TMPRSS11A: variants seen among roughly 807,000 people sequenced by gnomAD.
TMPRSS11A encodes transmembrane serine protease 11A.
In TMPRSS11A, 53 loss-of-function variants were observed where a neutral mutation model predicts 58.9. That is an observed-to-expected ratio of 0.90 (90% CI 0.72 to 1.13). The LOEUF is 1.13. Among genes scored for constraint, TMPRSS11A ranks in the 50% most tolerant of loss-of-function variants. The pLI is 0.00. For synonymous variants in TMPRSS11A, 167 were observed against 169.8 expected (o/e 0.98, Z 0.13); for missense variants, 493 against 499.3 (o/e 0.99, Z 0.12).
At chr4:67,911,548 A>C in intron 9 of TMPRSS11A, 45 bp from the exon 10 acceptor site, 2 of 1,490,780 alleles carry the variant, frequency 1.3e-6, no homozygotes, top group Non-Finnish European at 1.8e-6. Flanking sequence ...TTAGCTAAAC[A>C]TAAAGCTCAT....
rs150564742 is a variant in TMPRSS11A at position 67,919,115 on chromosome 4, C to T, written c.810G>A (p.Glu270=). Residue 270 remains glutamate (E), a synonymous_variant, in exon 8 of 10, where the codon GAG becomes GAA. Transcript: ENST00000508048. ...AGACCTGCACAACAGCAATGTCGTACTCTCTTGCTGCAGAGCGGTACTTCT... is the reference window on the plus strand; with the variant it reads ...AGACCTGCACAACAGCAATGTCGTATTCTCTTGCTGCAGAGCGGTACTTCT... ...IHEKYRSAAR[E]YDIAVVQVSS... 3 of 1,614,062 alleles carry T rather than the reference C, an allele frequency of 1.9e-6. No individual in the cohort carries two copies. The African/African-American group carries it at 4.0e-5, about 22-fold the overall frequency.
At chr4:67,960,867 T>C (rs1721406146) in intron 1 of TMPRSS11A, among the ~76,000 whole-genome samples, 1 of 152,194 alleles carries the variant, frequency 6.6e-6, no homozygotes, top group African/African-American at 2.4e-5. Flanking sequence ...TATTAAACAA[T>C]GCTGAAAATA....
intron 1 of TMPRSS11A, among the ~76,000 whole-genome samples, chr4:67,957,278 A>C (rs183357453): frequency 6.6e-6 from 1 of 152,318 alleles, no homozygotes; most frequent in African/African-American, 2.4e-5. Context: ...AGGTTGGAAC[A>C]GTTTGGAGGG....
intron 3 of TMPRSS11A, among the ~76,000 whole-genome samples, chr4:67,936,967 C>G (rs147278397): frequency 3.9e-5 from 6 of 152,290 alleles, no homozygotes; most frequent in African/African-American, 1.4e-4. Flanking sequence ...AAGGGAAGGT[C>G]ATTATTTAGA....
rs773216826 is a variant in TMPRSS11A, at chr4:67,932,005, A to G, written c.308T>C (p.Val103Ala). Reference sequence around the variant, plus strand: ...CAAACATACATACGTCAGTCTGACTACTTGGTTCTTGATATAATTTTTCTT... The same window carrying G: ...CAAACATACATACGTCAGTCTGACTGCTTGGTTCTTGATATAATTTTTCTT... ...AWKKNYIKNQ[V>A]VRLTPEEDGV... Residue 103 changes from valine (V) to alanine (A), a missense_variant, in exon 4 of 10, where the codon GTA (valine) becomes GCA (alanine). Physicochemically the swap from Val to Ala is moderately conservative, Grantham distance 64 (BLOSUM62 0). Coordinates refer to ENST00000508048, the MANE Select transcript of TMPRSS11A (RefSeq NM_001114387.2). 1 of 1,600,790 alleles carries G rather than the reference A, an allele frequency of 6.2e-7. No homozygotes were observed. The highest frequency in any genetic ancestry group is 8.6e-7 in the Non-Finnish European group (1 of 1,168,244).
At chr4:67,916,857 A>C in intron 8 of TMPRSS11A, among the ~76,000 whole-genome samples, 1 of 152,050 alleles carries the variant, frequency 6.6e-6, no homozygotes, top group Non-Finnish European at 1.5e-5. Context: ...AATAAAAATA[A>C]AATAATGGTG....
At chr4:67,914,856 AGTTTCT>A in intron 8 of TMPRSS11A, 126 bp from the exon 9 acceptor site, 1 of 702,020 alleles carries the variant, frequency 1.4e-6, no homozygotes. Context: ...TAATATAAGC[AGTTTCT>A]AGAAAAAAGA....
At chr4:67,916,732 C>A (rs151324849) in intron 8 of TMPRSS11A, among the ~76,000 whole-genome samples, 4,348 of 152,134 alleles carry the variant, frequency 0.029, 203 homozygotes, top group African/African-American at 0.1. Context: ...GAGGCTGAGG[C>A]AGGAGAATGG....
chr4:67,960,955 T>G (rs1390700520), intron 1 of TMPRSS11A, among the ~76,000 whole-genome samples: 1 of 152,264 alleles, frequency 6.6e-6, no homozygotes, highest in Non-Finnish European at 1.5e-5. Context: ...TTTGGTATTT[T>G]ATCTTTTGTA....
chr4:67,920,549 ATTTT>A (rs1553922035), intron 7 of TMPRSS11A, among the ~76,000 whole-genome samples: 2 of 130,894 alleles, frequency 1.5e-5, no homozygotes, highest in Middle Eastern at 3.8e-3. Context: ...ATATATATAT[ATTTT>A]TTTTTATATA....
In TMPRSS11A at chr4:67,961,482, C is replaced by CTTTT. The variant is rs1721418705; in HGVS notation, c.11+1900_11+1901insAAAA. On this transcript the variant is annotated intron_variant, in intron 1 of 9. Coordinates refer to ENST00000508048, the MANE Select transcript of TMPRSS11A (RefSeq NM_001114387.2). ...CTTTTCTTTCCTTTCCTTTTCTTTTCCTTTTTTTTTTTTTTTTTTTTTTTT... is the reference window on the plus strand; with the variant it reads ...CTTTTCTTTCCTTTCCTTTTCTTTTCTTTTCTTTTTTTTTTTTTTTTTTTTTTTT... 5.0e-4 allele frequency among the ~76,000 whole-genome samples: 51 copies of CTTTT among 102,454 alleles called. 21 individuals carry two copies. Among genetic ancestry groups the CTTTT allele is most frequent in the African/African-American group, 2.2e-3 (46 of 20,958 alleles). The allele number at this position is 102,454 out of a possible 152,430, so 67.2% of individuals were successfully genotyped here.
At chr4:67,938,053 C>G (rs80227373) in intron 3 of TMPRSS11A, among the ~76,000 whole-genome samples, 1 of 152,136 alleles carries the variant, frequency 6.6e-6, no homozygotes, top group Non-Finnish European at 1.5e-5. Context: ...CCTCCGCAGT[C>G]TCATCAGCAT....
Position 67,910,771 on chromosome 4 carries a change from T to C in TMPRSS11A, c.*571A>G, listed in dbSNP as rs1254864844. 1 of 152,012 alleles carries C rather than the reference T, an allele frequency of 6.6e-6. No individual in the cohort carries two copies. The highest frequency in any genetic ancestry group is 1.5e-5 in the Non-Finnish European group (1 of 67,952). The allele number at this position is 152,012 out of a possible 1,614,324, so 9.4% of individuals were successfully genotyped here. ...TTTATAACTAAAAAAAGTTAGAAGA[T>C]CTCTGGCTTGTTTTACTATCAGACT... On this transcript the variant is annotated 3_prime_UTR_variant, in exon 10 of 10. Coordinates refer to ENST00000508048, the MANE Select transcript of TMPRSS11A (RefSeq NM_001114387.2).
At chr4:67,951,251 G>T (rs889501653) in intron 1 of TMPRSS11A, among the ~76,000 whole-genome samples, 7 of 152,154 alleles carry the variant, frequency 4.6e-5, no homozygotes, top group African/African-American at 1.2e-4. Flanking sequence ...ATGAAAACAT[G>T]GTAATAATTT....
At chr4:67,929,408 C>A (rs1219114967) in intron 5 of TMPRSS11A, among the ~76,000 whole-genome samples, 2 of 152,172 alleles carry the variant, frequency 1.3e-5, no homozygotes, top group African/African-American at 4.8e-5. Flanking sequence ...ATGACTCTAA[C>A]AACTTCAAAG....
intron 3 of TMPRSS11A, among the ~76,000 whole-genome samples, chr4:67,942,415 T>C (rs1045322501): frequency 2.6e-5 from 4 of 152,218 alleles, no homozygotes; most frequent in South Asian, 2.1e-4. Flanking sequence ...CACAGCAAGA[T>C]GGTATTCTAT....
At chr4:67,961,119 C>A (rs1339076274) in intron 1 of TMPRSS11A, among the ~76,000 whole-genome samples, 1 of 152,000 alleles carries the variant, frequency 6.6e-6, no homozygotes, top group African/African-American at 2.4e-5. Context: ...GTAACAGAAC[C>A]CATAGAGAAG....
Position 67,930,077 on chromosome 4 carries a change from T to A in TMPRSS11A, c.321-37A>T, listed in dbSNP as rs1416438841. 4 of 1,581,936 alleles carry A rather than the reference T, an allele frequency of 2.5e-6. No individual in the cohort carries two copies. The Admixed American group carries it at 6.9e-5, about 27-fold the overall frequency. ...AAAAGAAAGGTACATTTTCAAAGAA[T>A]ACACCTGGAATTGTCCTTCAGTCTT... On this transcript the variant is annotated intron_variant, in intron 4 of 9. Coordinates refer to ENST00000508048, the MANE Select transcript of TMPRSS11A (RefSeq NM_001114387.2).
intron 8 of TMPRSS11A, among the ~76,000 whole-genome samples, chr4:67,916,481 ACACAC>A (rs1487556803): frequency 1.7e-4 from 7 of 41,386 alleles, no homozygotes; most frequent in African/African-American, 3.8e-4. Flanking sequence ...ATACACACAC[ACACAC>A]ACACACACAC....
Sources: gnomAD v4.1 joint callset for allele counts (sites outside exome capture counted in the v4.1 genomes callset) on GRCh38, gnomAD v4.1.1 for gene constraint, MANE v1.5 for transcripts, NCBI Gene and HGNC (gene_info 2026-07-23, HGNC 2026-07-21) for gene names.